GAREM1: variants seen among roughly 807,000 people sequenced by gnomAD.
GAREM1 encodes the protein GRB2-associated and regulator of MAPK protein 1.
In GAREM1, 26 loss-of-function variants were observed where a neutral mutation model predicts 71.3. That is an observed-to-expected ratio of 0.36 (90% confidence interval 0.27 to 0.51). The LOEUF is 0.51. GAREM1 is among the 20% of genes least tolerant of loss of function. The probability of loss-of-function intolerance (pLI) is 0.95; values close to 1 mark genes in which losing one functional copy is unlikely to be tolerated. For synonymous variants in GAREM1, 440 were observed against 433.2 expected (o/e 1.02, Z -0.20); for missense variants, 1,026 against 1,103.1 (o/e 0.93, Z 0.99).
At chr18:32,344,955 A>G (rs1269846555) in intron 2 of GAREM1, among the ~76,000 whole-genome samples, 2 of 152,146 alleles carry the variant, frequency 1.3e-5, no homozygotes, top group East Asian at 1.9e-4. Context: ...CCAGCTACTC[A>G]GGAAGCTGAG....
chr18:32,405,193 T>G (rs1253430070), intron 1 of GAREM1, among the ~76,000 whole-genome samples: 1 of 152,122 alleles, frequency 6.6e-6, no homozygotes, highest in African/African-American at 2.4e-5. Context: ...CTTACAATTT[T>G]TTTTTTCTTT....
chr18:32,324,211 T>G (rs1242461872), intron 2 of GAREM1, among the ~76,000 whole-genome samples: 1 of 152,188 alleles, frequency 6.6e-6, no homozygotes, highest in Admixed American at 6.5e-5. Context: ...TGCTTATGCT[T>G]CTCTTCTACG....
chr18:32,353,797 T>A (rs1359312904), intron 2 of GAREM1, among the ~76,000 whole-genome samples: 1 of 152,142 alleles, frequency 6.6e-6, no homozygotes, highest in East Asian at 1.9e-4. Context: ...AACCTGGGCC[T>A]TTATGATTTA....
intron 1 of GAREM1, chr18:32,412,266 C>T (rs941114992): frequency 1.1e-4 from 180 of 1,576,706 alleles, no homozygotes; most frequent in South Asian, 4.0e-4. Flanking sequence ...ACCGCCATAG[C>T]CACCTTGGTT....
chr18:32,335,577 T>C (rs1175761699), intron 2 of GAREM1, among the ~76,000 whole-genome samples: 3 of 152,172 alleles, frequency 2.0e-5, no homozygotes, highest in African/African-American at 7.2e-5. Context: ...AGCAATGCAA[T>C]TACTATGTTC....
Position 32,279,436 on chromosome 18 carries a change from T to C in GAREM1, c.1566+7595A>G, listed in dbSNP as rs538976700. On this transcript the variant is annotated intron_variant, in intron 4 of 5. Transcript: ENST00000269209. ...GATTCTCATAGGAGCATGAACCCTA[T>C]TGTGAACTGCACATGTGAGGGATCT... Among the ~76,000 whole-genome samples, 4 of 152,308 alleles carry C rather than the reference T, an allele frequency of 2.6e-5. No individual in the cohort carries two copies. In the South Asian group the frequency reaches 8.3e-4, roughly 32 times the overall value.
At chr18:32,435,003 G>A (rs577345012) in intron 1 of GAREM1, among the ~76,000 whole-genome samples, 6 of 152,238 alleles carry the variant, frequency 3.9e-5, no homozygotes, top group Admixed American at 3.3e-4. Context: ...GCACCGGGAA[G>A]AGCGCATCGT....
At chr18:32,363,445 T>G (rs2047886978) in intron 2 of GAREM1, among the ~76,000 whole-genome samples, 1 of 152,216 alleles carries the variant, frequency 6.6e-6, no homozygotes, top group South Asian at 2.1e-4. Context: ...ATGATATCTA[T>G]AAATTATTTA....
intron 2 of GAREM1, among the ~76,000 whole-genome samples, chr18:32,365,381 C>G (rs180752192): frequency 1.6e-3 from 243 of 152,286 alleles, no homozygotes; most frequent in Non-Finnish European, 2.1e-3. Flanking sequence ...AAACCCAAGT[C>G]TACTAAAGCA....
chr18:32,437,240 C>G (rs973674295), intron 1 of GAREM1, among the ~76,000 whole-genome samples: 2 of 152,116 alleles, frequency 1.3e-5, no homozygotes. Flanking sequence ...GCAATGACCT[C>G]GAGAGGACTA....
chr18:32,279,560 C>A (rs1567945925), intron 4 of GAREM1, among the ~76,000 whole-genome samples: 1 of 152,172 alleles, frequency 6.6e-6, no homozygotes, highest in Non-Finnish European at 1.5e-5. Context: ...ATAGGACCAT[C>A]CAGTTGCAGG....
intron 2 of GAREM1, among the ~76,000 whole-genome samples, chr18:32,379,423 G>A (rs2048070806): frequency 7.7e-6 from 1 of 129,148 alleles, no homozygotes; most frequent in Non-Finnish European, 1.6e-5. Context: ...GGCCAGGCAC[G>A]ATGGCTCATG....
chr18:32,273,714 T>TGA lies in GAREM1; in HGVS notation c.1567-3333_1567-3332dup, dbSNP rs1487893229. On this transcript the variant is annotated intron_variant, in intron 4 of 5. Transcript: ENST00000269209. ...GAGTTAAAGAACTAATGTGTGTGTG[T>TGA]GAGAGAGAGAGAGAGAAAGAAAGAG... Among the ~76,000 whole-genome samples, 246 of 151,060 alleles carry TGA rather than the reference T, an allele frequency of 1.6e-3. 1 individual carries two copies. The highest frequency in any genetic ancestry group is 0.014 in the Middle Eastern group (4 of 294).
intron 1 of GAREM1, among the ~76,000 whole-genome samples, chr18:32,423,970 C>A (rs150751542): frequency 6.6e-6 from 1 of 151,620 alleles, no homozygotes; most frequent in Non-Finnish European, 1.5e-5. Flanking sequence ...CCTGTCTCTA[C>A]AAAAAAAATT....
At position 32,379,460 on chromosome 18, in the gene GAREM1, C is replaced by CG. The variant is rs5823843; in HGVS notation, c.262+13434dup. 3.4e-3 allele frequency among the ~76,000 whole-genome samples: 230 copies of CG among 66,874 alleles called. 1 individual carries two copies. Among genetic ancestry groups the CG allele is most frequent in the East Asian group, 0.015 (31 of 2,038 alleles). The allele number at this position is 66,874 out of a possible 152,430, so 43.9% of individuals were successfully genotyped here. A position where few individuals can be genotyped will look rare whatever the true frequency, so the allele number is the denominator to read the frequency against. On this transcript the variant is annotated intron_variant, in intron 2 of 5. Coordinates refer to ENST00000269209, the MANE Select transcript of GAREM1 (RefSeq NM_001242409.2). ...CTGTAATCCCAGCACTTTGGGAGGC[C>CG]GGGGGGGGTGGGGGGCGGGGTGGAT...
intron 2 of GAREM1, among the ~76,000 whole-genome samples, chr18:32,392,208 T>A (rs2144658365): frequency 6.6e-6 from 1 of 152,238 alleles, no homozygotes; most frequent in South Asian, 2.1e-4. Flanking sequence ...CATAAGTTTT[T>A]TTTTTTAATG....
chr18:32,442,347 T>A (rs1002085282), intron 1 of GAREM1, among the ~76,000 whole-genome samples: 1 of 152,152 alleles, frequency 6.6e-6, no homozygotes, highest in Non-Finnish European at 1.5e-5. Context: ...GTGAATTCAG[T>A]GCAAAAATTC....
chr18:32,381,993 A>G (rs904333916), intron 2 of GAREM1, among the ~76,000 whole-genome samples: 1 of 152,148 alleles, frequency 6.6e-6, no homozygotes, highest in Non-Finnish European at 1.5e-5. Context: ...AGCACTCACA[A>G]TCACCATTCC....
intron 3 of GAREM1, among the ~76,000 whole-genome samples, chr18:32,305,852 GTCAC>G (rs1424764637): frequency 6.6e-6 from 1 of 152,114 alleles, no homozygotes; most frequent in Non-Finnish European, 1.5e-5. Flanking sequence ...AGTGTGACCT[GTCAC>G]TCACTCTAGG....
Sources: allele counts gnomAD v4.1 joint callset (sites outside exome capture counted in the v4.1 genomes callset), GRCh38; gene constraint gnomAD v4.1.1; transcripts MANE v1.5; gene names NCBI Gene and HGNC (gene_info 2026-07-23, HGNC 2026-07-21).